Variants in ST8SIA1 observed in about 807,000 individuals in gnomAD.
ST8SIA1 encodes the protein alpha-N-acetylneuraminide alpha-2,8-sialyltransferase.
ST8SIA1 carries 16 observed loss-of-function variants against 35.9 expected under a neutral mutation model. That is an observed-to-expected ratio of 0.45 (90% CI 0.30 to 0.68). The LOEUF (loss-of-function observed/expected upper bound fraction) is 0.68. Ranked by LOEUF, ST8SIA1 falls within the 30% of genes least tolerant of loss-of-function variation. The probability of loss-of-function intolerance (pLI) is 0.09; values close to 1 mark genes in which losing one functional copy is unlikely to be tolerated. For missense variants in ST8SIA1, 383 were observed against 453.6 expected, an observed-to-expected ratio of 0.84 and a Z score of 1.41; for synonymous variants, 170 against 169.6, an observed-to-expected ratio of 1.00 and a Z score of -0.02.
intron 4 of ST8SIA1, among the ~76,000 whole-genome samples, chr12:22,241,881 C>G (rs1054212728): frequency 1.3e-5 from 2 of 152,030 alleles, no homozygotes; most frequent in East Asian, 1.9e-4. Flanking sequence ...CTCCTCCCCC[C>G]CATAAACTTC....
chr12:22,262,915 T>C (rs1865808294), intron 2 of ST8SIA1, among the ~76,000 whole-genome samples: 2 of 152,228 alleles, frequency 1.3e-5, no homozygotes, highest in Admixed American at 1.3e-4. Context: ...TGCAATGTCC[T>C]TACCTCCACG....
chr12:22,217,319 C>T (rs182283127), intron 4 of ST8SIA1, among the ~76,000 whole-genome samples: 1 of 152,140 alleles, frequency 6.6e-6, no homozygotes, highest in East Asian at 1.9e-4. Flanking sequence ...TATTTTGAGA[C>T]ATAATATTAA....
intron 1 of ST8SIA1, among the ~76,000 whole-genome samples, chr12:22,294,010 T>C (rs574232023): frequency 2.0e-4 from 30 of 152,142 alleles, no homozygotes; most frequent in Non-Finnish European, 3.2e-4. Context: ...AAGAAATCTG[T>C]CTGAAATAAT....
At chr12:22,249,675 A>T (rs1865647661) in intron 3 of ST8SIA1, among the ~76,000 whole-genome samples, 1 of 152,212 alleles carries the variant, frequency 6.6e-6, no homozygotes, top group Admixed American at 6.5e-5. Flanking sequence ...CCAAAGGGGC[A>T]AATTATCTAC....
chr12:22,246,583 A>AC (rs1157078046), intron 4 of ST8SIA1, among the ~76,000 whole-genome samples: 14 of 151,676 alleles, frequency 9.2e-5, no homozygotes, highest in African/African-American at 3.4e-4. Context: ...AAAGAGCCAG[A>AC]CCCCCCAACC....
chr12:22,308,889 T>G (rs1866416122), intron 1 of ST8SIA1, among the ~76,000 whole-genome samples: 2 of 152,100 alleles, frequency 1.3e-5, no homozygotes, highest in Admixed American at 6.6e-5. Context: ...AAACAGCACT[T>G]TTTCCTCCCA....
At chr12:22,218,884 G>T (rs914368449) in intron 4 of ST8SIA1, among the ~76,000 whole-genome samples, 43 of 152,010 alleles carry the variant, frequency 2.8e-4, no homozygotes, top group Admixed American at 1.2e-3. Context: ...TAAGTGCAGG[G>T]ATCAGTGAAA....
intron 4 of ST8SIA1, among the ~76,000 whole-genome samples, chr12:22,218,566 C>A (rs891329500): frequency 3.4e-5 from 5 of 149,040 alleles, no homozygotes; most frequent in Non-Finnish European, 5.9e-5. Context: ...TGCAGTGGGC[C>A]GAGATCATGC....
In ST8SIA1 at chr12:22,256,086, C is replaced by T. The variant is rs144074521; in HGVS notation, c.382-697G>A. 1.2e-3 allele frequency among the ~76,000 whole-genome samples: 182 copies of T among 152,290 alleles called. 2 individuals are homozygous for T. Among genetic ancestry groups the T allele is most frequent in the Admixed American group, 3.5e-3 (54 of 15,300 alleles). ...CACTTGGGATGAACCTTAAAGAATA[C>T]GTATGATTCCTCCAGGCACAGAAAG... On this transcript the variant is annotated intron_variant, in intron 2 of 4. Transcript: ENST00000396037.
chr12:22,204,690 C>T (rs1481643593), intron 4 of ST8SIA1, among the ~76,000 whole-genome samples: 20 of 152,146 alleles, frequency 1.3e-4, no homozygotes, highest in Non-Finnish European at 1.5e-5. Context: ...TGTGTTTTCA[C>T]TTTGAAAAGG....
At chr12:22,280,914 G>T (rs1190375043) in intron 2 of ST8SIA1, among the ~76,000 whole-genome samples, 1 of 152,104 alleles carries the variant, frequency 6.6e-6, no homozygotes, top group Non-Finnish European at 1.5e-5. Flanking sequence ...ATTTCACCTT[G>T]CTCTTTTACT....
At chr12:22,237,248 T>C (rs1022468544) in intron 4 of ST8SIA1, among the ~76,000 whole-genome samples, 1 of 152,016 alleles carries the variant, frequency 6.6e-6, no homozygotes, top group East Asian at 1.9e-4. Flanking sequence ...ATAGACGCCA[T>C]GTCTGGCTAA....
At chr12:22,247,887 A>T (rs556586585) in intron 4 of ST8SIA1, among the ~76,000 whole-genome samples, 1 of 152,302 alleles carries the variant, frequency 6.6e-6, no homozygotes, top group South Asian at 2.1e-4. Context: ...AGTCGAAAGT[A>T]GGCAAAAAAT....
intron 1 of ST8SIA1, among the ~76,000 whole-genome samples, chr12:22,299,882 C>T (rs1000551376): frequency 1.3e-5 from 2 of 152,072 alleles, no homozygotes; most frequent in Non-Finnish European, 2.9e-5. Context: ...TTTGTTGTGG[C>T]CTGATGCTAA....
At chr12:22,317,897 C>T (rs1417493048) in intron 1 of ST8SIA1, among the ~76,000 whole-genome samples, 4 of 152,148 alleles carry the variant, frequency 2.6e-5, no homozygotes, top group Admixed American at 6.5e-5. Context: ...TTTCTGTAGA[C>T]ACAGCTGTAA....
intron 4 of ST8SIA1, among the ~76,000 whole-genome samples, chr12:22,205,003 T>C (rs1421190876): frequency 6.6e-6 from 1 of 152,210 alleles, no homozygotes; most frequent in African/African-American, 2.4e-5. Flanking sequence ...TCCCTGTGTG[T>C]GTACCTGTCC....
At chr12:22,330,080 G>A (rs569184402) in intron 1 of ST8SIA1, among the ~76,000 whole-genome samples, 92 of 152,236 alleles carry the variant, frequency 6.0e-4, no homozygotes, top group African/African-American at 2.1e-3. Flanking sequence ...AACACATCAG[G>A]CACTTCCAAA....
intron 4 of ST8SIA1, among the ~76,000 whole-genome samples, chr12:22,233,498 A>G (rs1865440773): frequency 6.6e-6 from 1 of 152,156 alleles, no homozygotes. Flanking sequence ...AGTTTCACTC[A>G]AGTATCTCAA....
At chr12:22,239,979 T>G (rs1465555853) in intron 4 of ST8SIA1, among the ~76,000 whole-genome samples, 5 of 152,172 alleles carry the variant, frequency 3.3e-5, no homozygotes, top group Non-Finnish European at 7.4e-5. Flanking sequence ...TTGTTTTTTT[T>G]GTGGGGAAGG....
Sources: allele counts gnomAD v4.1 joint callset (sites outside exome capture counted in the v4.1 genomes callset), GRCh38; gene constraint gnomAD v4.1.1; transcripts MANE v1.5; gene names NCBI Gene and HGNC (gene_info 2026-07-23, HGNC 2026-07-21).